Variants in RANBP2 observed in about 807,000 individuals in gnomAD.
RANBP2 encodes RAN binding protein 2, also known as E3 SUMO-protein ligase RanBP2.
Under a neutral mutation model 303.6 loss-of-function variants are expected in RANBP2, and 57 were observed. The observed-to-expected ratio is 0.19, with a 90% CI of 0.15 to 0.23. RANBP2 has a LOEUF of 0.23. Among genes scored for constraint, RANBP2 ranks in the 10% least tolerant of loss-of-function variants. The pLI is 1.00. For missense variants in RANBP2, 3,138 were observed against 3,780.8 expected (o/e 0.83, Z 4.46); for synonymous variants, 1,167 against 1,301.5 (o/e 0.90, Z 2.23).
At chr2:108,835,944 T>C in the RANBP2 span, among the ~76,000 whole-genome samples, 1 of 152,160 alleles carries the variant, frequency 6.6e-6, no homozygotes, top group Non-Finnish European at 1.5e-5. Context: ...GGATGAACGT[T>C]GTGTGCCCAC....
chr2:109,369,947 C>G, the RANBP2 span, among the ~76,000 whole-genome samples: 2 of 152,210 alleles, frequency 1.3e-5, no homozygotes, highest in African/African-American at 2.4e-5. Flanking sequence ...GTGGTGCACT[C>G]AGCTCTGAGG....
chr2:109,121,829 C>T, the RANBP2 span, among the ~76,000 whole-genome samples: 1 of 152,230 alleles, frequency 6.6e-6, no homozygotes, highest in Non-Finnish European at 1.5e-5. Context: ...AACTGCCAGA[C>T]ATCTGTACCT....
At chr2:109,458,541 G>T in the RANBP2 span, among the ~76,000 whole-genome samples, 1 of 119,984 alleles carries the variant, frequency 8.3e-6, no homozygotes, top group Non-Finnish European at 1.8e-5. Flanking sequence ...TATCAGTCAG[G>T]GATCTCCAGA....
the RANBP2 span, among the ~76,000 whole-genome samples, chr2:109,297,656 C>T: frequency 6.6e-6 from 1 of 151,466 alleles, no homozygotes; most frequent in East Asian, 1.9e-4. Flanking sequence ...GGCCAGTGTC[C>T]CCCACCCTGG....
At chr2:108,748,169 T>C (rs1675523029) in intron 8 of RANBP2, among the ~76,000 whole-genome samples, 2 of 152,074 alleles carry the variant, frequency 1.3e-5, no homozygotes, top group African/African-American at 4.8e-5. Context: ...TGTAAACCTA[T>C]GGAATAAAAA....
the RANBP2 span, chr2:109,437,076 C>A: frequency 6.2e-7 from 1 of 1,613,724 alleles, no homozygotes; most frequent in African/African-American, 1.3e-5. Context: ...CAGCCTCGCC[C>A]CCAACAGGCA....
chr2:108,786,788 G>A (rs760088985), downstream of RANBP2: 14 of 1,553,480 alleles, frequency 9.0e-6, no homozygotes, highest in Non-Finnish European at 1.2e-5. Context: ...TGATGAACGC[G>A]GTTCCCGGGG....
At chr2:109,238,629 A>G in the RANBP2 span, among the ~76,000 whole-genome samples, 1 of 152,126 alleles carries the variant, frequency 6.6e-6, no homozygotes, top group African/African-American at 2.4e-5. Context: ...CCACTGTTTC[A>G]GAGTTTCTTA....
Position 108,771,085 on chromosome 2 carries a change from G to A in RANBP2, c.7850-616G>A, listed in dbSNP as rs1463326399. Reference sequence around the variant, plus strand: ...TTGCATTGATGGTGGCTGGGGATGGGTTGTTTTTAGCCATATGAATGGTCT... The same window carrying A: ...TTGCATTGATGGTGGCTGGGGATGGATTGTTTTTAGCCATATGAATGGTCT... On this transcript the variant is annotated intron_variant, in intron 20 of 28. Coordinates refer to ENST00000283195, the MANE Select transcript of RANBP2 (RefSeq NM_006267.5). Among the ~76,000 whole-genome samples, 3 of 151,790 alleles carry A rather than the reference G, an allele frequency of 2.0e-5. No homozygotes were observed. The East Asian group carries it at 5.8e-4, about 29-fold the overall frequency.
the RANBP2 span, among the ~76,000 whole-genome samples, chr2:109,289,387 G>C: frequency 1.3e-5 from 2 of 152,120 alleles, no homozygotes; most frequent in African/African-American, 4.8e-5. Context: ...CAGAGTTTTA[G>C]GGTACTCTTC....
At chr2:109,592,705 G>A in the RANBP2 span, among the ~76,000 whole-genome samples, 8 of 151,094 alleles carry the variant, frequency 5.3e-5, no homozygotes, top group East Asian at 1.9e-4. Context: ...GCTTGAACCC[G>A]GGAGGCAGAG....
At chr2:108,802,487 G>A in the RANBP2 span, among the ~76,000 whole-genome samples, 1 of 144,840 alleles carries the variant, frequency 6.9e-6, no homozygotes, top group African/African-American at 2.7e-5. Flanking sequence ...TTTGTATCCT[G>A]AGACTTTGCT....
the RANBP2 span, among the ~76,000 whole-genome samples, chr2:109,037,071 C>T: frequency 1.3e-5 from 2 of 151,996 alleles, no homozygotes; most frequent in African/African-American, 2.4e-5. Context: ...ATTGCTTGAA[C>T]CCTGGAGGTG....
chr2:109,499,940 T>C, the RANBP2 span, among the ~76,000 whole-genome samples: 2 of 151,730 alleles, frequency 1.3e-5, no homozygotes, highest in South Asian at 4.2e-4. Flanking sequence ...CAAGAGAGAA[T>C]GAGGGAGCAG....
chr2:109,357,547 C>A, the RANBP2 span, among the ~76,000 whole-genome samples: 1 of 152,200 alleles, frequency 6.6e-6, no homozygotes, highest in East Asian at 1.9e-4. Context: ...CTGACAGTTA[C>A]CAGCCCGCCC....
chr2:109,748,872 C>A, the RANBP2 span, among the ~76,000 whole-genome samples: 1 of 45,012 alleles, frequency 2.2e-5, no homozygotes. Flanking sequence ...GACTCCATCT[C>A]AATAAATAAA....
chr2:109,625,479 C>G, the RANBP2 span, among the ~76,000 whole-genome samples: 1 of 144,034 alleles, frequency 6.9e-6, no homozygotes, highest in African/African-American at 2.6e-5. Flanking sequence ...ATGGTGAAAC[C>G]CCGTCTCTAC....
At chr2:109,737,513 G>T in the RANBP2 span, 3 of 578,340 alleles carry the variant, frequency 5.2e-6, no homozygotes, top group East Asian at 3.0e-5. Flanking sequence ...GCTTTCTCGC[G>T]GGCACCATGG....
the RANBP2 span, among the ~76,000 whole-genome samples, chr2:109,296,461 C>CA: frequency 6.6e-6 from 1 of 151,962 alleles, no homozygotes; most frequent in Non-Finnish European, 1.5e-5. Context: ...AAGCTGGTCT[C>CA]AAACTCCTGA....
Sources: allele counts gnomAD v4.1 joint callset (sites outside exome capture counted in the v4.1 genomes callset), GRCh38; gene constraint gnomAD v4.1.1; transcripts MANE v1.5; gene names NCBI Gene and HGNC (gene_info 2026-07-23, HGNC 2026-07-21).